Variants in NNT observed in about 807,000 individuals in gnomAD.
The protein encoded by NNT is NAD(P) transhydrogenase, mitochondrial.
NNT carries 50 observed loss-of-function variants against 104.8 expected under a neutral mutation model. That is an observed-to-expected ratio of 0.48 (90% confidence interval 0.38 to 0.60). The LOEUF is 0.60. Among genes scored for constraint, NNT ranks in the 20% least tolerant of loss-of-function variants. The probability of loss-of-function intolerance (pLI) is 0.00; values close to 1 mark genes in which losing one functional copy is unlikely to be tolerated. For missense variants in NNT, 1,131 were observed against 1,330.7 expected, an observed-to-expected ratio of 0.85 and a Z score of 2.33; for synonymous variants, 461 against 490.4, an observed-to-expected ratio of 0.94 and a Z score of 0.79.
chr5:43,651,699 A>G, intron 12 of NNT, 40 bp from the exon 13 acceptor site: 2 of 1,609,618 alleles, frequency 1.2e-6, no homozygotes, highest in African/African-American at 2.7e-5. Context: ...CAGTGAGCTC[A>G]AAGAGGTACT....
At chr5:43,665,953 C>G (rs1310214732) in intron 17 of NNT, among the ~76,000 whole-genome samples, 1 of 151,560 alleles carries the variant, frequency 6.6e-6, no homozygotes, top group Non-Finnish European at 1.5e-5. Flanking sequence ...AGTTCCCAGA[C>G]GGGGTCGCGC....
chr5:43,673,805 G>A (rs1741262615), intron 17 of NNT, among the ~76,000 whole-genome samples: 1 of 152,086 alleles, frequency 6.6e-6, no homozygotes. Flanking sequence ...GATCACTTGT[G>A]GTCAGGAGTT....
chr5:43,662,251 A>T (rs1176092159), intron 17 of NNT, among the ~76,000 whole-genome samples: 1 of 152,112 alleles, frequency 6.6e-6, no homozygotes, highest in Non-Finnish European at 1.5e-5. Flanking sequence ...ATTATTAGTT[A>T]TAGCAACCAT....
chr5:43,672,534 G>A (rs1741168265), intron 17 of NNT, among the ~76,000 whole-genome samples: 1 of 152,228 alleles, frequency 6.6e-6, no homozygotes, highest in African/African-American at 2.4e-5. Flanking sequence ...GTCTGTTGGA[G>A]TTTGCTGGAG....
chr5:43,674,466 A>T (rs184156254), intron 17 of NNT, among the ~76,000 whole-genome samples: 166 of 152,270 alleles, frequency 1.1e-3, no homozygotes, highest in South Asian at 9.3e-3. Flanking sequence ...TTGTATTTTT[A>T]AAAAAAGCAA....
At chr5:43,622,710 C>A (rs939740317) in intron 5 of NNT, among the ~76,000 whole-genome samples, 1 of 152,226 alleles carries the variant, frequency 6.6e-6, no homozygotes, top group Non-Finnish European at 1.5e-5. Flanking sequence ...CCGAAGATCA[C>A]CCAGAACTAG....
rs778632257 is a variant in NNT at position 43,656,672 on chromosome 5, T to C, written c.2313T>C (p.Pro771=). Reference sequence around the variant, plus strand: ...CTCTAGGTCTCCTGAAATCTGCCCCTCTCCTACTGCCTGGAAGGCACTTAC... The same window carrying C: ...CTCTAGGTCTCCTGAAATCTGCCCCCCTCCTACTGCCTGGAAGGCACTTAC... ...GKLQGLLKSA[P]LLLPGRHLLN... The change falls in exon 16 of 22, where the codon CCT becomes CCC. Residue 771 remains proline, a synonymous_variant. Coordinates refer to ENST00000344920, the MANE Select transcript of NNT (RefSeq NM_182977.3). 9 of 1,612,690 alleles carry C rather than the reference T, an allele frequency of 5.6e-6. No individual in the cohort carries two copies. The highest frequency in any genetic ancestry group is 7.6e-6 in the Non-Finnish European group (9 of 1,179,674).
intron 7 of NNT, among the ~76,000 whole-genome samples, chr5:43,643,170 C>T (rs1751326986): frequency 1.3e-5 from 2 of 152,330 alleles, no homozygotes; most frequent in South Asian, 4.1e-4. Flanking sequence ...CTCCCCACCT[C>T]AGCCTCCCAA....
chr5:43,666,908 A>G (rs34361740), intron 17 of NNT: 149,791 of 1,574,410 alleles, frequency 0.095, 9,641 homozygotes, highest in African/African-American at 0.3. Context: ...ATACAGGCAC[A>G]AACACGCTTC....
intron 7 of NNT, among the ~76,000 whole-genome samples, chr5:43,636,368 A>G (rs1750932417): frequency 6.6e-6 from 1 of 152,142 alleles, no homozygotes; most frequent in African/African-American, 2.4e-5. Context: ...AAGTTACATA[A>G]CCAGTATTTA....
intron 14 of NNT, among the ~76,000 whole-genome samples, chr5:43,654,961 G>T (rs1053661684): frequency 2.0e-5 from 3 of 152,152 alleles, no homozygotes; most frequent in African/African-American, 7.2e-5. Context: ...AATATTCTGA[G>T]CCCCACTCCT....
At chr5:43,619,668 A>G (rs1308781388) in intron 5 of NNT, among the ~76,000 whole-genome samples, 2 of 152,216 alleles carry the variant, frequency 1.3e-5, no homozygotes, top group African/African-American at 4.8e-5. Flanking sequence ...ATAGGAGGTC[A>G]TATTGTGATC....
chr5:43,625,623 A>G (rs1750320501), intron 6 of NNT, among the ~76,000 whole-genome samples: 1 of 152,154 alleles, frequency 6.6e-6, no homozygotes, highest in Admixed American at 6.5e-5. Context: ...ACTTACAGAC[A>G]GCTCATTGCC....
chr5:43,671,940 T>C (rs534910878), intron 17 of NNT, among the ~76,000 whole-genome samples: 18 of 152,350 alleles, frequency 1.2e-4, no homozygotes, highest in Non-Finnish European at 2.5e-4. Context: ...GTAGATTTGG[T>C]CTTTTCACAT....
intron 2 of NNT, among the ~76,000 whole-genome samples, chr5:43,612,091 C>T (rs1040635839): frequency 5.9e-5 from 9 of 152,156 alleles, no homozygotes; most frequent in African/African-American, 2.2e-4. Flanking sequence ...CTTTAAATAT[C>T]TACTACTGAT....
chr5:43,703,193 A>C (rs1742948536), intron 21 of NNT, among the ~76,000 whole-genome samples: 1 of 152,234 alleles, frequency 6.6e-6, no homozygotes, highest in Admixed American at 6.5e-5. Context: ...AATCCAAACA[A>C]TAATGTGGCA....
chr5:43,613,643 T>C (rs570601909), intron 3 of NNT: 1 of 152,858 alleles, frequency 6.5e-6, no homozygotes, highest in South Asian at 2.1e-4. Context: ...CTAAAATAAG[T>C]TCTTAAGGTA....
rs2111779242 is a variant in NNT, at chr5:43,609,815, A to T, written c.151+469A>T. Among the ~76,000 whole-genome samples the T allele has an allele frequency of 2.0e-5, 3 of 152,300 alleles. No individual in the cohort carries two copies. In the South Asian group the frequency reaches 6.2e-4, roughly 32 times the overall value. ...CCCTGGAGTCATTCTACATCCTCCT[A>T]GTAGGTATAGGTCAGCTCCATCTCA... On this transcript the variant is annotated intron_variant, in intron 2 of 21. Coordinates refer to ENST00000344920, the MANE Select transcript of NNT (RefSeq NM_182977.3).
At chr5:43,677,254 G>T (rs983318233) in intron 18 of NNT, among the ~76,000 whole-genome samples, 1 of 152,104 alleles carries the variant, frequency 6.6e-6, no homozygotes, top group East Asian at 1.9e-4. Flanking sequence ...GAGGGGCAAA[G>T]TTAAAGCCCT....
Sources: gnomAD v4.1 joint callset for allele counts (sites outside exome capture counted in the v4.1 genomes callset) on GRCh38, gnomAD v4.1.1 for gene constraint, MANE v1.5 for transcripts, NCBI Gene and HGNC (gene_info 2026-07-23, HGNC 2026-07-21) for gene names.